The following FSTL4 variants were observed in gnomAD, a reference collection of about 807,000 sequenced individuals.
The protein encoded by FSTL4 is follistatin like 4, also known as follistatin-related protein 4.
In FSTL4, 28 loss-of-function variants were observed where a neutral mutation model predicts 78.2. The observed-to-expected ratio is 0.36, with a 90% confidence interval of 0.27 to 0.49. The LOEUF (loss-of-function observed/expected upper bound fraction) is 0.49. Ranked by LOEUF, FSTL4 falls within the 20% of genes least tolerant of loss-of-function variation. The probability of loss-of-function intolerance (pLI) is 0.98; values close to 1 mark genes in which losing one functional copy is unlikely to be tolerated. For synonymous variants in FSTL4, 422 were observed against 440.5 expected (o/e 0.96, Z 0.53); for missense variants, 922 against 1,084.9 (o/e 0.85, Z 2.11).
chr5:133,405,970 G>A (rs1056248314), intron 3 of FSTL4, among the ~76,000 whole-genome samples: 1 of 152,222 alleles, frequency 6.6e-6, no homozygotes, highest in Non-Finnish European at 1.5e-5. Context: ...CAGGTGCTGA[G>A]GATTCAGACA....
upstream of FSTL4, among the ~76,000 whole-genome samples, chr5:133,614,944 C>T (rs559523838): frequency 9.2e-5 from 14 of 152,156 alleles, no homozygotes; most frequent in Non-Finnish European, 1.8e-4. Flanking sequence ...TATTTTTTTA[C>T]GTTGCTGGTT....
the FSTL4 span, among the ~76,000 whole-genome samples, chr5:133,801,968 C>G: frequency 2.0e-5 from 3 of 152,230 alleles, no homozygotes; most frequent in Non-Finnish European, 2.9e-5. Flanking sequence ...AAATCCAGCC[C>G]ATCCTTCCTC....
intron 4 of FSTL4, among the ~76,000 whole-genome samples, chr5:133,375,134 T>C (rs72803150): frequency 0.19 from 28,995 of 151,034 alleles, 3,649 homozygotes; most frequent in Middle Eastern, 0.33. Flanking sequence ...CCTCTGTCTC[T>C]CCTGAAGGGA....
chr5:133,421,494 C>G (rs188741476), intron 3 of FSTL4, among the ~76,000 whole-genome samples: 119 of 148,238 alleles, frequency 8.0e-4, no homozygotes, highest in African/African-American at 2.6e-3. Context: ...GACAGCTGAG[C>G]ATATGGGATA....
At chr5:133,749,121 T>G in the FSTL4 span, among the ~76,000 whole-genome samples, 55 of 152,310 alleles carry the variant, frequency 3.6e-4, no homozygotes, top group African/African-American at 1.2e-3. Context: ...CTTAACCAGT[T>G]AGTGCTCAGA....
intron 3 of FSTL4, among the ~76,000 whole-genome samples, chr5:133,409,878 C>T (rs56790124): frequency 4.6e-5 from 7 of 152,112 alleles, no homozygotes; most frequent in Non-Finnish European, 8.8e-5. Context: ...GACCTGGGAT[C>T]TACAAGGTGT....
intron 3 of FSTL4, among the ~76,000 whole-genome samples, chr5:133,553,913 A>G (rs1029148825): frequency 7.2e-5 from 11 of 152,178 alleles, no homozygotes; most frequent in African/African-American, 2.2e-4. Context: ...AAGGAAAGGA[A>G]GCAAGAAAAA....
intron 4 of FSTL4, among the ~76,000 whole-genome samples, chr5:133,366,005 C>G (rs1052104354): frequency 6.6e-6 from 1 of 152,190 alleles, no homozygotes; most frequent in African/African-American, 2.4e-5. Context: ...TATTACCCTC[C>G]TCTAATGGGC....
At chr5:133,468,504 C>T (rs777194436) in intron 3 of FSTL4, among the ~76,000 whole-genome samples, 2 of 152,126 alleles carry the variant, frequency 1.3e-5, no homozygotes, top group South Asian at 2.1e-4. Flanking sequence ...TTATGAAGGC[C>T]GACTCGAAGT....
At position 133,329,969 on chromosome 5, in the gene FSTL4, A is replaced by G. The variant is rs371291438; in HGVS notation, c.410-13317T>C. On this transcript the variant is annotated intron_variant, in intron 4 of 15. Transcript: ENST00000265342. ...TTCCAAGGATGCACCTCTGCTGTCA[A>G]TTGTAGATTCTGTTTACTATTTTAT... 9.8e-5 allele frequency among the ~76,000 whole-genome samples: 15 copies of G among 152,302 alleles called. No homozygotes were observed. The East Asian group carries it at 2.3e-3, about 23-fold the overall frequency.
chr5:133,549,881 T>C (rs1449325553), intron 3 of FSTL4, among the ~76,000 whole-genome samples: 1 of 152,200 alleles, frequency 6.6e-6, no homozygotes, highest in Non-Finnish European at 1.5e-5. Flanking sequence ...TCACACATCC[T>C]TGAGAGAAGA....
At chr5:133,359,750 T>C (rs1327150055) in intron 4 of FSTL4, among the ~76,000 whole-genome samples, 1 of 152,228 alleles carries the variant, frequency 6.6e-6, no homozygotes, top group African/African-American at 2.4e-5. Context: ...CCACCCTCAT[T>C]CAGCTTTTAA....
chr5:133,207,143 CTA>C (rs1414902435), intron 14 of FSTL4, among the ~76,000 whole-genome samples: 14 of 150,160 alleles, frequency 9.3e-5, no homozygotes, highest in South Asian at 2.1e-4. Flanking sequence ...GAAAGGCTTT[CTA>C]TGTTTTTATT....
chr5:133,624,616 A>C, the FSTL4 span, among the ~76,000 whole-genome samples: 2 of 151,944 alleles, frequency 1.3e-5, no homozygotes, highest in African/African-American at 2.4e-5. Context: ...AAAAATACTC[A>C]AGCACATTTA....
At chr5:133,753,347 C>T in the FSTL4 span, among the ~76,000 whole-genome samples, 1 of 152,194 alleles carries the variant, frequency 6.6e-6, no homozygotes, top group African/African-American at 2.4e-5. Context: ...TGTCCACTGG[C>T]AGGCATGGTT....
the FSTL4 span, among the ~76,000 whole-genome samples, chr5:133,824,391 C>T: frequency 6.6e-6 from 1 of 152,202 alleles, no homozygotes; most frequent in Non-Finnish European, 1.5e-5. Flanking sequence ...GAAAGAGATC[C>T]ACAGAACAAG....
At chr5:133,616,616 G>A (rs1054842414), upstream of FSTL4, among the ~76,000 whole-genome samples, 1 of 152,042 alleles carries the variant, frequency 6.6e-6, no homozygotes, top group Admixed American at 6.6e-5. Context: ...TGCCCAGGCT[G>A]GTCTTGAACT....
At chr5:133,373,658 C>A (rs566347540) in intron 4 of FSTL4, among the ~76,000 whole-genome samples, 3 of 152,292 alleles carry the variant, frequency 2.0e-5, no homozygotes, top group African/African-American at 7.2e-5. Flanking sequence ...TTGGGGCAGA[C>A]CCCACCAAAC....
chr5:133,798,181 T>A, the FSTL4 span, among the ~76,000 whole-genome samples: 1 of 152,230 alleles, frequency 6.6e-6, no homozygotes, highest in Admixed American at 6.5e-5. Flanking sequence ...CTCAGGTGAT[T>A]TTCTCCTTCT....
Sources: gnomAD v4.1 joint callset for allele counts (sites outside exome capture counted in the v4.1 genomes callset) on GRCh38, gnomAD v4.1.1 for gene constraint, MANE v1.5 for transcripts, NCBI Gene and HGNC (gene_info 2026-07-23, HGNC 2026-07-21) for gene names.